CACNA2D2: variants seen among roughly 807,000 people sequenced by gnomAD.
CACNA2D2 encodes voltage-dependent calcium channel subunit alpha-2/delta-2.
A neutral mutation model predicts 166.4 loss-of-function variants in CACNA2D2; 48 were observed. The ratio of observed to expected loss-of-function variants is 0.29; its 90% CI spans 0.23 to 0.37. CACNA2D2 has a LOEUF of 0.37. Ranked by LOEUF, CACNA2D2 falls within the 10% of genes least tolerant of loss-of-function variation. The probability of loss-of-function intolerance (pLI) is 1.00; values close to 1 mark genes in which losing one functional copy is unlikely to be tolerated. For synonymous variants in CACNA2D2, 561 were observed against 573.7 expected (o/e 0.98, Z 0.32); for missense variants, 1,122 against 1,433.0 (o/e 0.78, Z 3.50).
At chr3:50,490,256 G>A (rs1698469785) in intron 1 of CACNA2D2, among the ~76,000 whole-genome samples, 1 of 152,170 alleles carries the variant, frequency 6.6e-6, no homozygotes, top group South Asian at 2.1e-4. Flanking sequence ...AGATACCATG[G>A]TTAGGACATT....
chr3:50,389,931 A>G (rs1705804258), intron 4 of CACNA2D2, among the ~76,000 whole-genome samples: 1 of 152,112 alleles, frequency 6.6e-6, no homozygotes, highest in African/African-American at 2.4e-5. Flanking sequence ...CATACATGTG[A>G]AAATATATCA....
At chr3:50,499,058 C>T (rs930951100) in intron 1 of CACNA2D2, among the ~76,000 whole-genome samples, 11 of 152,200 alleles carry the variant, frequency 7.2e-5, no homozygotes, top group African/African-American at 1.9e-4. Flanking sequence ...AGCCTGGAGA[C>T]GTCCCCCACC....
In CACNA2D2 at chr3:50,381,148, G is replaced by T. The variant is rs200637271; in HGVS notation, c.653-22C>A. The T allele has an allele frequency of 4.3e-5, 69 of 1,612,694 alleles. No homozygotes were observed. In the Middle Eastern group the frequency reaches 5.2e-4, roughly 12 times the overall value. ...GTGGCTGGGGGGAAGCGGGGAGCTG[G>T]GGTGGGGAGCACCTGGGCTGTGTCC... On this transcript the variant is annotated intron_variant, in intron 6 of 37. Coordinates refer to ENST00000424201, the MANE Select transcript of CACNA2D2 (RefSeq NM_006030.4).
chr3:50,462,691 G>A (rs184362675), intron 2 of CACNA2D2, among the ~76,000 whole-genome samples: 1 of 151,832 alleles, frequency 6.6e-6, no homozygotes, highest in Non-Finnish European at 1.5e-5. Context: ...AAGAAGTAGC[G>A]ACATAAGTAT....
intron 2 of CACNA2D2, among the ~76,000 whole-genome samples, chr3:50,447,065 C>T (rs1708879040): frequency 1.3e-5 from 2 of 152,044 alleles, no homozygotes; most frequent in Non-Finnish European, 2.9e-5. Context: ...CTGGATGGGC[C>T]AAAACAGATT....
chr3:50,476,579 G>A (rs541501127), intron 1 of CACNA2D2, among the ~76,000 whole-genome samples: 1 of 152,342 alleles, frequency 6.6e-6, no homozygotes, highest in Non-Finnish European at 1.5e-5. Context: ...GGGAGCCTCA[G>A]GGAGTGAGGT....
intron 2 of CACNA2D2, among the ~76,000 whole-genome samples, chr3:50,458,169 C>T (rs1238146047): frequency 2.0e-5 from 3 of 152,232 alleles, no homozygotes; most frequent in African/African-American, 4.8e-5. Context: ...AGCCCTTCCC[C>T]GCTGCTGGCT....
intron 2 of CACNA2D2, among the ~76,000 whole-genome samples, chr3:50,459,041 C>G (rs1280762197): frequency 1.3e-5 from 2 of 152,202 alleles, no homozygotes; most frequent in Non-Finnish European, 2.9e-5. Context: ...GTGAGGTGGC[C>G]CCACATCCAG....
chr3:50,471,384 C>T (rs1218450043), intron 2 of CACNA2D2, among the ~76,000 whole-genome samples: 11 of 152,136 alleles, frequency 7.2e-5, no homozygotes, highest in Non-Finnish European at 1.5e-5. Context: ...TCTGTGGGGT[C>T]TAGGGGGGAC....
At chr3:50,429,204 T>C (rs746916603) in intron 3 of CACNA2D2, among the ~76,000 whole-genome samples, 1 of 152,142 alleles carries the variant, frequency 6.6e-6, no homozygotes, top group Non-Finnish European at 1.5e-5. Flanking sequence ...CGCTCCAGCC[T>C]GGGTGACAGA....
intron 1 of CACNA2D2, among the ~76,000 whole-genome samples, chr3:50,490,069 T>C (rs1053151649): frequency 3.3e-5 from 5 of 152,100 alleles, no homozygotes; most frequent in East Asian, 3.9e-4. Flanking sequence ...TCCTGAAAGA[T>C]GGGCAGGCTG....
At chr3:50,411,054 G>T (rs948297094) in intron 3 of CACNA2D2, among the ~76,000 whole-genome samples, 2 of 152,218 alleles carry the variant, frequency 1.3e-5, no homozygotes, top group Non-Finnish European at 2.9e-5. Flanking sequence ...GGGAAGGGCT[G>T]TTCCTGTTGG....
chr3:50,367,966 C>A lies in CACNA2D2; in HGVS notation c.2144-64G>T. On this transcript the variant is annotated intron_variant, in intron 24 of 37. Transcript: ENST00000424201. This position sits in a 1 kb window ranked among gnomAD's most constrained non-coding sequence, Gnocchi z 6.5. ...CTTGCAGCTCCTTGCCCACCCTCACCCCCACCCTTAAGGCTCCACCAGGAG... is the reference window on the plus strand; with the variant it reads ...CTTGCAGCTCCTTGCCCACCCTCACACCCACCCTTAAGGCTCCACCAGGAG... The A allele has an allele frequency of 7.6e-7, 1 of 1,312,256 alleles. No homozygotes were observed. Among genetic ancestry groups the A allele is most frequent in the Non-Finnish European group, 1.1e-6 (1 of 921,002 alleles). The allele number at this position is 1,312,256 out of a possible 1,614,324, so 81.3% of individuals were successfully genotyped here.
At chr3:50,483,046 ACT>A (rs1261055365) in intron 1 of CACNA2D2, among the ~76,000 whole-genome samples, 1 of 152,208 alleles carries the variant, frequency 6.6e-6, no homozygotes, top group Admixed American at 6.5e-5. Flanking sequence ...CAGAGGGGAC[ACT>A]GAGCCCAGAG....
At chr3:50,450,059 G>C (rs899197430) in intron 2 of CACNA2D2, among the ~76,000 whole-genome samples, 10 of 152,166 alleles carry the variant, frequency 6.6e-5, no homozygotes, top group Admixed American at 1.3e-4. Context: ...GCCACAGAAG[G>C]GGGCAAGCTA....
chr3:50,407,420 C>T (rs11712474), intron 3 of CACNA2D2, among the ~76,000 whole-genome samples: 6,546 of 147,608 alleles, frequency 0.044, 199 homozygotes, highest in Non-Finnish European at 0.066. Flanking sequence ...CTGTTCCTGG[C>T]GATCATGAGG....
Position 50,367,111 on chromosome 3 carries a change from TGGGGG to T in CACNA2D2, c.2402-7_2402-3del. 6.2e-7 allele frequency: 1 copy of T among 1,611,104 alleles called. No individual in the cohort carries two copies. Among genetic ancestry groups the T allele is most frequent in the African/African-American group, 1.3e-5 (1 of 74,980 alleles). On this transcript the variant is annotated splice_polypyrimidine_tract_variant and splice_region_variant and intron_variant, in intron 27 of 37. Coordinates refer to ENST00000424201, the MANE Select transcript of CACNA2D2 (RefSeq NM_006030.4). The surrounding 1 kb of genome is among the most constrained non-coding windows in gnomAD (Gnocchi z 6.5). ...CCAGCTCCAGCGGCCTTAACAGGGC[TGGGGG>T]TTGGGTGGGGAAGTCAGGAGTGGGG... is the stretch of plus-strand genomic sequence containing the variant.
chr3:50,429,622 T>C (rs1480786580), intron 3 of CACNA2D2, among the ~76,000 whole-genome samples: 1 of 115,234 alleles, frequency 8.7e-6, no homozygotes, highest in Non-Finnish European at 1.8e-5. Context: ...AAAAAAAAAT[T>C]AGCCAGGCGT....
At chr3:50,430,340 A>G (rs1015382841) in intron 3 of CACNA2D2, among the ~76,000 whole-genome samples, 10 of 152,234 alleles carry the variant, frequency 6.6e-5, no homozygotes, top group Middle Eastern at 6.8e-3. Flanking sequence ...CCCTTCCCCC[A>G]TGGCCTCTCC....
Sources: allele counts gnomAD v4.1 joint callset (sites outside exome capture counted in the v4.1 genomes callset), GRCh38; gene constraint gnomAD v4.1.1; non-coding constraint Gnocchi (gnomAD v3.1); transcripts MANE v1.5; gene names NCBI Gene and HGNC (gene_info 2026-07-23, HGNC 2026-07-21).